CDK13: variants seen among roughly 807,000 people sequenced by gnomAD.
CDK13 encodes cyclin-dependent kinase 13.
In CDK13, 40 loss-of-function variants were observed where a neutral mutation model predicts 137.6. The ratio of observed to expected loss-of-function variants is 0.29; its 90% confidence interval spans 0.23 to 0.38. The LOEUF is 0.38. CDK13 is among the 10% of genes least tolerant of loss of function. The pLI is 1.00. For synonymous variants in CDK13, 869 were observed against 760.1 expected, an observed-to-expected ratio of 1.14 and a Z score of -2.36; for missense variants, 1,704 against 1,951.8, an observed-to-expected ratio of 0.87 and a Z score of 2.39.
At chr7:40,034,747 G>A (rs534082726) in intron 5 of CDK13, among the ~76,000 whole-genome samples, 249 of 152,302 alleles carry the variant, frequency 1.6e-3, no homozygotes, top group Middle Eastern at 3.4e-3. Flanking sequence ...CCCAAACATA[G>A]CAGTGTATGA....
At chr7:40,036,284 G>C (rs1325664187) in intron 5 of CDK13, among the ~76,000 whole-genome samples, 2 of 152,058 alleles carry the variant, frequency 1.3e-5, no homozygotes, top group Non-Finnish European at 2.9e-5. Flanking sequence ...TAATTTCAAA[G>C]CCTTCTAAAA....
intron 6 of CDK13, among the ~76,000 whole-genome samples, chr7:40,047,033 A>C (rs1224099026): frequency 6.6e-6 from 1 of 151,842 alleles, no homozygotes; most frequent in African/African-American, 2.4e-5. Flanking sequence ...AAAAAAAAAA[A>C]AATCTAATAA....
chr7:40,068,429 C>T (rs1239639678), intron 9 of CDK13, among the ~76,000 whole-genome samples: 1 of 151,888 alleles, frequency 6.6e-6, no homozygotes, highest in African/African-American at 2.4e-5. Flanking sequence ...GGCACAATGG[C>T]TCACGCCTCT....
intron 9 of CDK13, among the ~76,000 whole-genome samples, chr7:40,074,366 C>A (rs1348642687): frequency 6.6e-6 from 1 of 151,572 alleles, no homozygotes; most frequent in Non-Finnish European, 1.5e-5. Flanking sequence ...ACTAAAAATA[C>A]AAAAAAATTA....
intron 5 of CDK13, among the ~76,000 whole-genome samples, chr7:40,009,821 T>C (rs1784859870): frequency 2.6e-5 from 4 of 152,376 alleles, no homozygotes; most frequent in Non-Finnish European, 5.9e-5. Flanking sequence ...GGATATCTGC[T>C]TCTACCACCT....
intron 11 of CDK13, among the ~76,000 whole-genome samples, chr7:40,079,558 C>T (rs1276585045): frequency 6.6e-6 from 1 of 152,136 alleles, no homozygotes; most frequent in Non-Finnish European, 1.5e-5. Flanking sequence ...ATCTTTATAA[C>T]CTTATAAGGT....
chr7:40,056,196 T>G (rs952799755), intron 7 of CDK13, among the ~76,000 whole-genome samples: 10 of 152,226 alleles, frequency 6.6e-5, no homozygotes, highest in Admixed American at 2.6e-4. Context: ...AATATTTGCT[T>G]CTTTTTCATT....
At position 39,951,404 on chromosome 7, in the gene CDK13, G is replaced by A. The variant is rs2116063672; in HGVS notation, c.763G>A (p.Gly255Ser). The A allele has an allele frequency of 6.6e-7, 1 of 1,519,932 alleles. No homozygotes were observed. Among genetic ancestry groups the A allele is most frequent in the East Asian group, 2.7e-5 (1 of 37,384 alleles). 94.2% of individuals were successfully genotyped at this position (1,519,932 alleles called of 1,614,324 possible). ...VAKSGSSSSSGGRRKSASATS... is the reference protein window; with the variant it reads ...VAKSGSSSSSSGRRKSASATS... ...CAAGAGCGGCAGCAGCAGCAGCAGC[G>A]GCGGCCGCCGGAAAAGCGCTTCGGC... The change falls in exon 1 of 14, where the codon GGC becomes AGC. Residue 255 changes from glycine to serine, a missense_variant. By Grantham distance (56) the Gly-to-Ser change is moderately conservative. Coordinates refer to ENST00000181839, the MANE Select transcript of CDK13 (RefSeq NM_003718.5).
At chr7:39,979,846 G>T (rs1381502940) in intron 1 of CDK13, among the ~76,000 whole-genome samples, 1 of 152,162 alleles carries the variant, frequency 6.6e-6, no homozygotes, top group Non-Finnish European at 1.5e-5. Flanking sequence ...CTCACGTGAT[G>T]ACAGGAATAG....
intron 2 of CDK13, among the ~76,000 whole-genome samples, chr7:39,991,499 G>C (rs1784454718): frequency 6.6e-6 from 1 of 151,602 alleles, no homozygotes; most frequent in Non-Finnish European, 1.5e-5. Context: ...GTGTGTGTGT[G>C]TGTGTGTGTG....
intron 11 of CDK13, among the ~76,000 whole-genome samples, chr7:40,084,250 G>A (rs561080926): frequency 2.0e-5 from 3 of 152,272 alleles, no homozygotes; most frequent in African/African-American, 7.2e-5. Flanking sequence ...GGAGGCCGAG[G>A]TGGGCAGATC....
rs111888310 is a variant in CDK13 at position 39,974,266 on chromosome 7, A to G, written c.1212-13333A>G. On this transcript the variant is annotated intron_variant, in intron 1 of 13. Transcript: ENST00000181839. ...TTTCTTTTTGAGACAGGGTTTCACT[A>G]TGTTGCTCAGGGTGGTCTTGAACTC... 6.3e-4 allele frequency among the ~76,000 whole-genome samples: 96 copies of G among 151,440 alleles called. 1 individual carries two copies. The highest frequency in any genetic ancestry group is 2.0e-3 in the African/African-American group (84 of 41,248).
rs1253960932 is a variant in CDK13 at position 40,045,933 on chromosome 7, T to C, written c.2451T>C (p.Phe817=). Residue 817 remains phenylalanine, a synonymous_variant, in exon 6 of 14, where the codon TTT becomes TTC. Coordinates refer to ENST00000181839, the MANE Select transcript of CDK13 (RefSeq NM_003718.5). ...VHFNENHIKS[F]MRQLMEGLDY... ...TTAATGAAAATCACATAAAGTCATT[T>C]ATGAGACAGCTCATGGAGGGTCTGG... The C allele has an allele frequency of 1.2e-6, 2 of 1,613,074 alleles. No homozygotes were observed. Among genetic ancestry groups the C allele is most frequent in the Non-Finnish European group, 1.7e-6 (2 of 1,179,134 alleles).
chr7:40,072,974 A>G (rs1430824584), intron 9 of CDK13: 1 of 152,222 alleles, frequency 6.6e-6, no homozygotes, highest in African/African-American at 2.4e-5. Flanking sequence ...ATTAAAATCC[A>G]TAGTAGAGAG....
intron 2 of CDK13, among the ~76,000 whole-genome samples, chr7:39,989,984 C>T (rs1462229150): frequency 6.6e-6 from 1 of 152,122 alleles, no homozygotes; most frequent in Admixed American, 6.5e-5. Flanking sequence ...GGGGGCTTCA[C>T]CATGTTAGCC....
At chr7:40,052,450 T>G (rs1276084542) in intron 7 of CDK13, among the ~76,000 whole-genome samples, 2 of 152,220 alleles carry the variant, frequency 1.3e-5, no homozygotes, top group Non-Finnish European at 2.9e-5. Flanking sequence ...GTGCTAGGAT[T>G]ACAGGTGTGA....
At chr7:40,015,834 T>G (rs1784992454) in intron 5 of CDK13, among the ~76,000 whole-genome samples, 4 of 152,116 alleles carry the variant, frequency 2.6e-5, no homozygotes, top group Non-Finnish European at 5.9e-5. Flanking sequence ...TGTGAGTAAT[T>G]GGTTAACCCA....
At chr7:39,952,536 A>G (rs1035842075) in intron 1 of CDK13, 5 of 152,228 alleles carry the variant, frequency 3.3e-5, no homozygotes, top group African/African-American at 1.2e-4. Flanking sequence ...AAAAAATGAC[A>G]AGACTGTGGT....
intron 5 of CDK13, among the ~76,000 whole-genome samples, chr7:40,038,001 T>TC (rs1307746785): frequency 6.6e-6 from 1 of 152,208 alleles, no homozygotes; most frequent in Non-Finnish European, 1.5e-5. Context: ...TTGCTTTTTT[T>TC]CCCTTTTTGA....
Sources: gnomAD v4.1 joint callset for allele counts (sites outside exome capture counted in the v4.1 genomes callset) on GRCh38, gnomAD v4.1.1 for gene constraint, MANE v1.5 for transcripts, NCBI Gene and HGNC (gene_info 2026-07-23, HGNC 2026-07-21) for gene names.